The following CCNY variants were observed in gnomAD, a reference collection of about 807,000 sequenced individuals.
CCNY encodes the protein cyclin Y, also known as cyclin-Y.
In CCNY, 19 loss-of-function variants were observed where a neutral mutation model predicts 42.8. The ratio of observed to expected loss-of-function variants is 0.44; its 90% CI spans 0.31 to 0.65. The LOEUF (loss-of-function observed/expected upper bound fraction) is 0.65, where lower values mean the gene tolerates loss of function less well. Ranked by LOEUF, CCNY falls within the 30% of genes least tolerant of loss-of-function variation. The probability of loss-of-function intolerance (pLI) is 0.07; values close to 1 mark genes in which losing one functional copy is unlikely to be tolerated. For synonymous variants in CCNY, 165 were observed against 162.7 expected, an observed-to-expected ratio of 1.01 and a Z score of -0.11; for missense variants, 370 against 437.3, an observed-to-expected ratio of 0.85 and a Z score of 1.37.
chr10:35,482,456 T>A (rs1440775051), intron 1 of CCNY, among the ~76,000 whole-genome samples: 1 of 152,250 alleles, frequency 6.6e-6, no homozygotes, highest in Non-Finnish European at 1.5e-5. Context: ...TTTTTTGTTT[T>A]TTAAACTGGA....
chr10:35,485,724 C>CAA (rs60570748), intron 2 of CCNY, among the ~76,000 whole-genome samples: 10 of 97,760 alleles, frequency 1.0e-4, no homozygotes, highest in African/African-American at 2.2e-4. Flanking sequence ...GACTCCGTCT[C>CAA]AAAAAAAAAA....
chr10:35,412,530 C>T (rs146442728), intron 1 of CCNY, among the ~76,000 whole-genome samples: 11 of 151,826 alleles, frequency 7.2e-5, no homozygotes, highest in African/African-American at 2.7e-4. Context: ...GGAGGGGGGA[C>T]ATCCAGCCTA....
intron 4 of CCNY, among the ~76,000 whole-genome samples, chr10:35,523,308 C>T (rs1422334065): frequency 6.6e-6 from 1 of 152,190 alleles, no homozygotes; most frequent in African/African-American, 2.4e-5. Context: ...GGCCATCTTA[C>T]TGCCTAATTA....
intron 1 of CCNY, chr10:35,449,785 G>A (rs554456743): frequency 2.0e-6 from 2 of 985,342 alleles, no homozygotes; most frequent in South Asian, 4.7e-5. Flanking sequence ...GCTTCTCCTG[G>A]CCTCTGTCTT....
intron 3 of CCNY, among the ~76,000 whole-genome samples, chr10:35,300,485 C>T (rs1835521106): frequency 6.6e-6 from 1 of 152,094 alleles, no homozygotes; most frequent in Admixed American, 6.5e-5. Context: ...TCTCTAGCGT[C>T]CTGCTGTTTA....
chr10:35,553,001 A>C lies in CCNY; in HGVS notation c.580-18A>C. The stretch of plus-strand genomic sequence containing the variant: ...AGAAAACAAATCACTTAGCTCTGGC[A>C]TTGTCTTGTCTTCCCAGGTGTACCT... On this transcript the variant is annotated intron_variant, in intron 7 of 9. Transcript: ENST00000374704. 6.2e-7 allele frequency: 1 copy of C among 1,610,256 alleles called. No individual in the cohort carries two copies. Among genetic ancestry groups the C allele is most frequent in the Non-Finnish European group, 8.5e-7 (1 of 1,176,774 alleles).
chr10:35,503,129 G>A (rs946784663), intron 3 of CCNY, among the ~76,000 whole-genome samples: 6 of 151,706 alleles, frequency 4.0e-5, no homozygotes, highest in African/African-American at 9.7e-5. Context: ...TTGCCATTTC[G>A]TGTCCTGTAT....
At chr10:35,297,103 G>A (rs1029770983) in intron 3 of CCNY, among the ~76,000 whole-genome samples, 1 of 151,424 alleles carries the variant, frequency 6.6e-6, no homozygotes, top group African/African-American at 2.4e-5. Flanking sequence ...CGAATCCACC[G>A]TGATTGAGTA....
chr10:35,263,353 T>C (rs1292122909), intron 3 of CCNY, among the ~76,000 whole-genome samples: 5 of 86,194 alleles, frequency 5.8e-5, no homozygotes, highest in African/African-American at 1.1e-4. Flanking sequence ...TGAGACTCCG[T>C]CTCAAAAAAA....
chr10:35,265,867 C>T (rs922356729), intron 3 of CCNY, among the ~76,000 whole-genome samples: 6 of 152,148 alleles, frequency 3.9e-5, no homozygotes, highest in Admixed American at 6.6e-5. Flanking sequence ...ATGCTTGCTG[C>T]CTCCCACGCT....
At position 35,488,252 on chromosome 10, in the gene CCNY, A is replaced by G. The variant is rs575825396; in HGVS notation, c.229+4774A>G. On this transcript the variant is annotated intron_variant, in intron 2 of 9. Coordinates refer to ENST00000374704, the MANE Select transcript of CCNY (RefSeq NM_145012.6). ...GTTTTAGTTGCACAACCTTTTAGAA[A>G]TACTGAAATTGAAAAAATATTCTGT... is the stretch of plus-strand genomic sequence containing the variant. Among the ~76,000 whole-genome samples, 5 of 152,318 alleles carry G rather than the reference A, an allele frequency of 3.3e-5. No homozygotes were observed. In the South Asian group the frequency reaches 1.0e-3, roughly 32 times the overall value.
At chr10:35,493,678 A>G (rs1273382393) in intron 2 of CCNY, among the ~76,000 whole-genome samples, 3 of 152,206 alleles carry the variant, frequency 2.0e-5, no homozygotes, top group Admixed American at 1.3e-4. Context: ...CACTCTCCAC[A>G]TAATCTTGGT....
At chr10:35,399,101 A>C (rs1188583850) in intron 1 of CCNY, among the ~76,000 whole-genome samples, 1 of 152,270 alleles carries the variant, frequency 6.6e-6, no homozygotes, top group East Asian at 1.9e-4. Flanking sequence ...ACTTGAAAGC[A>C]TGAGCTGATT....
At chr10:35,559,329 T>G (rs1249098748) in intron 8 of CCNY, among the ~76,000 whole-genome samples, 2 of 152,200 alleles carry the variant, frequency 1.3e-5, no homozygotes, top group African/African-American at 4.8e-5. Context: ...TGTGGATGTT[T>G]TAGCCAAGGA....
At chr10:35,469,350 T>C (rs2045162212) in intron 1 of CCNY, among the ~76,000 whole-genome samples, 2 of 152,262 alleles carry the variant, frequency 1.3e-5, no homozygotes, top group Non-Finnish European at 1.5e-5. Context: ...AATCTGTCTT[T>C]AGTCTTAACA....
At chr10:35,261,827 C>G (rs1401113042) in intron 3 of CCNY, among the ~76,000 whole-genome samples, 1 of 151,954 alleles carries the variant, frequency 6.6e-6, no homozygotes, top group Non-Finnish European at 1.5e-5. Context: ...TCAAGACCAG[C>G]CTGGCCAAAA....
chr10:35,297,839 G>T (rs1181868449), intron 3 of CCNY, among the ~76,000 whole-genome samples: 1 of 152,114 alleles, frequency 6.6e-6, no homozygotes, highest in Admixed American at 6.6e-5. Flanking sequence ...GGAAATCAGA[G>T]ATGACTCAAA....
intron 1 of CCNY, among the ~76,000 whole-genome samples, chr10:35,345,446 G>C (rs1836280736): frequency 6.7e-6 from 1 of 149,070 alleles, no homozygotes; most frequent in Non-Finnish European, 1.5e-5. Flanking sequence ...TCTAGCCTGG[G>C]TGACAGTGAG....
chr10:35,293,247 T>C (rs921951892), intron 3 of CCNY, among the ~76,000 whole-genome samples: 1 of 152,174 alleles, frequency 6.6e-6, no homozygotes, highest in African/African-American at 2.4e-5. Flanking sequence ...CTTTCCCCCA[T>C]TGAGTTGTCT....
Sources: allele counts gnomAD v4.1 joint callset (sites outside exome capture counted in the v4.1 genomes callset), GRCh38; gene constraint gnomAD v4.1.1; transcripts MANE v1.5; gene names NCBI Gene and HGNC (gene_info 2026-07-23, HGNC 2026-07-21).